Variants in LINGO2 observed in about 807,000 individuals in gnomAD.
LINGO2 encodes leucine rich repeat and Ig domain containing 2.
A neutral mutation model predicts 30.6 loss-of-function variants in LINGO2; 14 were observed. The observed-to-expected ratio is 0.46, with a 90% CI of 0.30 to 0.72. The LOEUF (loss-of-function observed/expected upper bound fraction) is 0.72, where lower values mean the gene tolerates loss of function less well. Among genes scored for constraint, LINGO2 ranks in the 30% least tolerant of loss-of-function variants. The pLI is 0.07. For missense variants in LINGO2, 729 were observed against 751.7 expected, an observed-to-expected ratio of 0.97 and a Z score of 0.35; for synonymous variants, 317 against 288.5, an observed-to-expected ratio of 1.10 and a Z score of -1.00.
At chr9:28,518,060 G>A (rs1820694430) in intron 1 of LINGO2, among the ~76,000 whole-genome samples, 1 of 152,026 alleles carries the variant, frequency 6.6e-6, no homozygotes, top group African/African-American at 2.4e-5. Flanking sequence ...TAACAGATAG[G>A]GTCCCAAAAT....
chr9:28,081,096 C>T (rs1441711699), intron 4 of LINGO2: 2 of 152,118 alleles, frequency 1.3e-5, no homozygotes, highest in Non-Finnish European at 1.5e-5. Flanking sequence ...GGACTGGAGA[C>T]ATTTGGGGCT....
chr9:27,976,524 T>C (rs563796894), intron 5 of LINGO2, among the ~76,000 whole-genome samples: 1 of 152,182 alleles, frequency 6.6e-6, no homozygotes, highest in Admixed American at 6.6e-5. Context: ...TTTTTCTGTG[T>C]ATCATAGCAT....
At chr9:28,488,711 TAAG>T (rs1382452322) in intron 1 of LINGO2, among the ~76,000 whole-genome samples, 1 of 152,190 alleles carries the variant, frequency 6.6e-6, no homozygotes, top group Non-Finnish European at 1.5e-5. Context: ...CAAATATTAT[TAAG>T]TAGTATCTCC....
intron 2 of LINGO2, among the ~76,000 whole-genome samples, chr9:28,387,329 G>T (rs369860787): frequency 6.6e-6 from 1 of 151,780 alleles, no homozygotes; most frequent in African/African-American, 2.4e-5. Context: ...ACCAATTGGC[G>T]CTCTGTGTCT....
At chr9:28,119,137 C>T (rs2133388960) in intron 4 of LINGO2, among the ~76,000 whole-genome samples, 1 of 152,284 alleles carries the variant, frequency 6.6e-6, no homozygotes, top group Middle Eastern at 3.4e-3. Context: ...TGAATAAATT[C>T]TAGCAAAATC....
At chr9:29,107,424 G>A in the LINGO2 span, among the ~76,000 whole-genome samples, 2 of 152,120 alleles carry the variant, frequency 1.3e-5, no homozygotes, top group Non-Finnish European at 2.9e-5. Flanking sequence ...CAGAGTTGCA[G>A]TTAAGGCTTT....
At chr9:28,043,763 C>T (rs1824296187) in intron 4 of LINGO2, among the ~76,000 whole-genome samples, 1 of 152,158 alleles carries the variant, frequency 6.6e-6, no homozygotes, top group African/African-American at 2.4e-5. Context: ...GGAAACAATC[C>T]TGGCATGACT....
chr9:28,087,889 C>T (rs1469291386), intron 4 of LINGO2, among the ~76,000 whole-genome samples: 1 of 152,010 alleles, frequency 6.6e-6, no homozygotes, highest in Non-Finnish European at 1.5e-5. Context: ...ACCTAAGATA[C>T]TTTAGTACCA....
intron 1 of LINGO2, among the ~76,000 whole-genome samples, chr9:28,617,921 A>G (rs1826213435): frequency 6.6e-6 from 1 of 152,174 alleles, no homozygotes; most frequent in Non-Finnish European, 1.5e-5. Flanking sequence ...GATACATGGT[A>G]TAAATATACT....
chr9:28,648,996 C>T (rs1242832925), intron 1 of LINGO2, among the ~76,000 whole-genome samples: 1 of 152,096 alleles, frequency 6.6e-6, no homozygotes, highest in Non-Finnish European at 1.5e-5. Flanking sequence ...AAGCTCTCCC[C>T]AGATACTCTG....
At chr9:28,610,798 CTT>C (rs1244117999) in intron 1 of LINGO2, among the ~76,000 whole-genome samples, 1 of 152,160 alleles carries the variant, frequency 6.6e-6, no homozygotes, top group Admixed American at 6.6e-5. Flanking sequence ...GTGTAACACT[CTT>C]TGGGTGAACT....
intron 2 of LINGO2, among the ~76,000 whole-genome samples, chr9:28,429,696 T>C (rs1405039718): frequency 1.3e-5 from 2 of 152,186 alleles, no homozygotes; most frequent in Non-Finnish European, 2.9e-5. Context: ...ACTAAACTAA[T>C]TACCATACTC....
At chr9:28,479,536 T>C (rs536407686) in intron 1 of LINGO2, among the ~76,000 whole-genome samples, 86 of 152,006 alleles carry the variant, frequency 5.7e-4, no homozygotes, top group African/African-American at 2.0e-3. Context: ...CCAAAGATCT[T>C]TCTGAAGGCA....
rs181059430 is a variant in LINGO2 at position 27,969,370 on chromosome 9, G to A, written c.-35-18664C>T. ...CTGGTTTTAAAATAAGCCTGTTAGT[G>A]TCTAACGATGTGTGGCCAGAAAAAA... is the stretch of plus-strand genomic sequence containing the variant. On this transcript the variant is annotated intron_variant, in intron 5 of 5. Coordinates refer to ENST00000379992, the Ensembl canonical transcript of LINGO2. Among the ~76,000 whole-genome samples, 8 of 152,132 alleles carry A rather than the reference G, an allele frequency of 5.3e-5. No homozygotes were observed. In the East Asian group the frequency reaches 1.5e-3, roughly 29 times the overall value.
At chr9:29,168,432 G>C in the LINGO2 span, among the ~76,000 whole-genome samples, 137 of 152,282 alleles carry the variant, frequency 9.0e-4, no homozygotes, top group Non-Finnish European at 1.5e-3. Flanking sequence ...GCCAATCATA[G>C]GAATCACACC....
the LINGO2 span, among the ~76,000 whole-genome samples, chr9:28,712,459 G>C: frequency 1.3e-5 from 2 of 150,740 alleles, no homozygotes; most frequent in South Asian, 4.2e-4. Context: ...TTTCTTCTCA[G>C]ACTGATTAAG....
chr9:28,561,796 A>G lies in LINGO2; in HGVS notation c.-364-85771T>C, dbSNP rs192879452. ...ATATATATATAAAAAATATGCTACT[A>G]GAACTGAAAAAGACAGTAGAGAAGG... is the stretch of plus-strand genomic sequence containing the variant. On this transcript the variant is annotated intron_variant, in intron 1 of 5. Transcript: ENST00000379992. Among the ~76,000 whole-genome samples, 22 of 137,996 alleles carry G rather than the reference A, an allele frequency of 1.6e-4. 1 individual carries two copies. The highest frequency in any genetic ancestry group is 5.5e-4 in the African/African-American group (21 of 38,516). 90.5% of individuals were successfully genotyped at this position (137,996 alleles called of 152,430 possible).
chr9:28,949,585 C>A, the LINGO2 span, among the ~76,000 whole-genome samples: 2 of 152,082 alleles, frequency 1.3e-5, no homozygotes, highest in African/African-American at 4.8e-5. Context: ...CTGAAGAGAC[C>A]ATTAACAAGT....
chr9:28,136,590 C>T (rs1013031801), intron 4 of LINGO2, among the ~76,000 whole-genome samples: 1 of 152,128 alleles, frequency 6.6e-6, no homozygotes, highest in Admixed American at 6.6e-5. Context: ...ATAAACATGA[C>T]CTGGCTAGGG....
Sources: allele counts gnomAD v4.1 joint callset (sites outside exome capture counted in the v4.1 genomes callset), GRCh38; gene constraint gnomAD v4.1.1; transcripts MANE v1.5; gene names NCBI Gene and HGNC (gene_info 2026-07-23, HGNC 2026-07-21).